The following RND3 variants were observed in gnomAD, a reference collection of about 807,000 sequenced individuals.
RND3 encodes the protein rho-related GTP-binding protein RhoE.
RND3 carries 8 observed loss-of-function variants against 26.5 expected under a neutral mutation model. The ratio of observed to expected loss-of-function variants is 0.30; its 90% CI spans 0.18 to 0.54. RND3 has a LOEUF of 0.54. Among genes scored for constraint, RND3 ranks in the 20% least tolerant of loss-of-function variants. The pLI, the probability that RND3 is intolerant of heterozygous loss-of-function variation, is 0.94. For synonymous variants in RND3, 113 were observed against 113.0 expected (o/e 1.00, Z 0.00); for missense variants, 207 against 302.8 (o/e 0.68, Z 2.35).
intron 3 of RND3, among the ~76,000 whole-genome samples, chr2:150,482,748 TAGC>T (rs1243177349): frequency 5.6e-5 from 8 of 143,082 alleles, no homozygotes; most frequent in Non-Finnish European, 9.2e-5. Context: ...GGTGCGGGGG[TAGC>T]TGTTTCCTAT....
rs1306694910 is a variant in RND3, at chr2:150,470,208, C to G, written c.514G>C (p.Ala172Pro). Residue 172 changes from alanine (A) to proline (P), a missense_variant, in exon 6 of 6, where the codon GCT becomes CCT. Ala to Pro is a conservative substitution (Grantham distance 27). Coordinates refer to ENST00000263895, the MANE Select transcript of RND3 (RefSeq NM_005168.5). The stretch of plus-strand genomic sequence containing the variant: ...AAAGCTGAGCATTCGATATAAGTAG[C>G]TGCTCCAATCTGTTTGGCCATATTT... ...GANMAKQIGA[A>P]TYIECSALQS... 6.8e-6 allele frequency: 11 copies of G among 1,613,706 alleles called. No homozygotes were observed. The highest frequency in any genetic ancestry group is 9.3e-6 in the Non-Finnish European group (11 of 1,179,852).
intron 3 of RND3, among the ~76,000 whole-genome samples, chr2:150,483,373 G>A (rs569507389): frequency 2.6e-5 from 4 of 152,294 alleles, no homozygotes; most frequent in South Asian, 2.1e-4. Context: ...CCCTATATAA[G>A]AGCAGTCAGG....
chr2:150,475,549 C>T (rs1686149765), intron 3 of RND3, among the ~76,000 whole-genome samples: 1 of 151,972 alleles, frequency 6.6e-6, no homozygotes, highest in Admixed American at 6.6e-5. Flanking sequence ...GGGAAAGAGA[C>T]CAAAACTCAA....
rs1686051407 is a variant in RND3, at chr2:150,469,750, T to C, written c.*237A>G. 2 of 503,344 alleles carry C rather than the reference T, an allele frequency of 4.0e-6. No homozygotes were observed. Among genetic ancestry groups the C allele is most frequent in the South Asian group, 6.2e-5 (2 of 32,510 alleles). The allele number at this position is 503,344 out of a possible 1,614,324, so 31.2% of individuals were successfully genotyped here. A position where few individuals can be genotyped will look rare whatever the true frequency, so the allele number is the denominator to read the frequency against. On this transcript the variant is annotated 3_prime_UTR_variant, in exon 6 of 6. Transcript: ENST00000263895. Reference sequence around the variant, plus strand: ...CCTCTAGCTCATTTGTATCTCTCATTTTTTGGCATATTTTTCAAGTCACAC... The same window carrying C: ...CCTCTAGCTCATTTGTATCTCTCATCTTTTGGCATATTTTTCAAGTCACAC...
Position 150,469,953 on chromosome 2 carries a change from G to T in RND3, c.*34C>A. 6.2e-7 allele frequency: 1 copy of T among 1,606,506 alleles called. No homozygotes were observed. The highest frequency in any genetic ancestry group is 8.5e-7 in the Non-Finnish European group (1 of 1,175,236). ...TTGTTTGCTGTTGTTTTTTACACTA[G>T]ATTCCTTTGTCTTCATTAAAGATAA... On this transcript the variant is annotated 3_prime_UTR_variant, in exon 6 of 6. Transcript: ENST00000263895.
rs941556024 is a variant in RND3 at position 150,471,953 on chromosome 2, C to T, written c.349-192G>A. 1.3e-5 allele frequency: 7 copies of T among 559,614 alleles called. No homozygotes were observed. In the African/African-American group the frequency reaches 1.3e-4, roughly 11 times the overall value. 34.7% of individuals were successfully genotyped at this position (559,614 alleles called of 1,614,324 possible). A position where few individuals can be genotyped will look rare whatever the true frequency, so the allele number is the denominator to read the frequency against. The stretch of plus-strand genomic sequence containing the variant: ...ATGTGAAGTTTTACTACTTTTTAAG[C>T]ATTAGAGAATAATTATGTATATTAT... On this transcript the variant is annotated intron_variant, in intron 4 of 5. Transcript: ENST00000263895.
chr2:150,476,904 A>G (rs1418431630), intron 3 of RND3, among the ~76,000 whole-genome samples: 2 of 152,202 alleles, frequency 1.3e-5, no homozygotes, highest in Non-Finnish European at 2.9e-5. Context: ...AGAAGTTCAC[A>G]CTTTCTCAAC....
At chr2:150,474,204 T>C (rs1249648884) in intron 4 of RND3, among the ~76,000 whole-genome samples, 1 of 152,184 alleles carries the variant, frequency 6.6e-6, no homozygotes, top group Non-Finnish European at 1.5e-5. Context: ...CTCTTCCTCT[T>C]GATCTCCCCC....
At chr2:150,485,337 T>A (rs1207994102) in intron 3 of RND3, 1 of 152,308 alleles carries the variant, frequency 6.6e-6, no homozygotes, top group African/African-American at 2.4e-5. Flanking sequence ...TCCTTCCTCT[T>A]GCTCTCTGAA....
intron 3 of RND3, among the ~76,000 whole-genome samples, chr2:150,478,497 G>A (rs1686210792): frequency 6.7e-6 from 1 of 149,132 alleles, no homozygotes; most frequent in Non-Finnish European, 1.5e-5. Flanking sequence ...CTGAAAGTAA[G>A]TGGGTAAAGC....
At chr2:150,470,287 A>G in intron 5 of RND3, 49 bp from the exon 6 acceptor site, 1 of 1,581,522 alleles carries the variant, frequency 6.3e-7, no homozygotes, top group East Asian at 2.2e-5. Context: ...CTTTGGGGGA[A>G]AGTTAGCTAG....
intron 3 of RND3, among the ~76,000 whole-genome samples, chr2:150,482,269 A>G (rs1686286497): frequency 6.6e-6 from 1 of 152,248 alleles, no homozygotes; most frequent in Non-Finnish European, 1.5e-5. Context: ...TGCTGAAATT[A>G]CACTGCAATC....
chr2:150,479,021 C>CA lies in RND3; in HGVS notation c.239-4038dup, dbSNP rs76253756. On this transcript the variant is annotated intron_variant, in intron 3 of 5. Transcript: ENST00000263895. Reference sequence around the variant, plus strand: ...TAAAGAAACAACTACACTATATATGCAAAATGTGTACCCCGCTCACCCAGA... The same window carrying CA: ...TAAAGAAACAACTACACTATATATGCAAAAATGTGTACCCCGCTCACCCAGA... 3.0e-4 allele frequency among the ~76,000 whole-genome samples: 46 copies of CA among 152,016 alleles called. 1 individual carries two copies. Among genetic ancestry groups the CA allele is most frequent in the Non-Finnish European group, 5.4e-4 (37 of 68,002 alleles).
intron 3 of RND3, among the ~76,000 whole-genome samples, chr2:150,483,813 C>A (rs573922566): frequency 3.9e-5 from 6 of 152,172 alleles, no homozygotes; most frequent in African/African-American, 1.4e-4. Flanking sequence ...AACTAACTAA[C>A]ATTTCACCTC....
At position 150,475,008 on chromosome 2, in the gene RND3, A is replaced by C; in HGVS notation, c.239-24T>G. 6.8e-7 allele frequency: 1 copy of C among 1,460,302 alleles called. No homozygotes were observed. The highest frequency in any genetic ancestry group is 9.6e-7 in the Non-Finnish European group (1 of 1,040,846). The allele number at this position is 1,460,302 out of a possible 1,614,324, so 90.5% of individuals were successfully genotyped here. A position where few individuals can be genotyped will look rare whatever the true frequency, so the allele number is the denominator to read the frequency against. ...ACCTGAGAAGAAACAAAGACACACAAATTTTCAGATGAGAGTCCCCTTGTC... is the reference window on the plus strand; with the variant it reads ...ACCTGAGAAGAAACAAAGACACACACATTTTCAGATGAGAGTCCCCTTGTC... On this transcript the variant is annotated intron_variant, in intron 3 of 5. Transcript: ENST00000263895.
chr2:150,487,141 G>A (rs996013733), intron 2 of RND3, 127 bp downstream of exon 2: 4 of 817,180 alleles, frequency 4.9e-6, no homozygotes, highest in South Asian at 2.4e-5. Context: ...AGTAAGGACC[G>A]AGAAAGACTT....
chr2:150,484,210 G>T (rs1348686193), intron 3 of RND3, among the ~76,000 whole-genome samples: 1 of 152,160 alleles, frequency 6.6e-6, no homozygotes, highest in Non-Finnish European at 1.5e-5. Flanking sequence ...TGTATGCAAG[G>T]CATTGTGCTA....
intron 3 of RND3, among the ~76,000 whole-genome samples, chr2:150,482,371 C>T (rs986764155): frequency 1.3e-5 from 2 of 152,158 alleles, no homozygotes; most frequent in Non-Finnish European, 2.9e-5. Context: ...TACTTCTATG[C>T]TTGGCAAATG....
chr2:150,481,202 G>C (rs1686262958), intron 3 of RND3, among the ~76,000 whole-genome samples: 1 of 152,222 alleles, frequency 6.6e-6, no homozygotes, highest in Non-Finnish European at 1.5e-5. Context: ...TAAGTCATGA[G>C]TTAGGGAGCC....
Sources: gnomAD v4.1 joint callset for allele counts (sites outside exome capture counted in the v4.1 genomes callset) on GRCh38, gnomAD v4.1.1 for gene constraint, MANE v1.5 for transcripts, NCBI Gene and HGNC (gene_info 2026-07-23, HGNC 2026-07-21) for gene names.